Variants in HFM1 observed in about 807,000 individuals in gnomAD.
HFM1 encodes the protein helicase for meiosis 1, also known as probable ATP-dependent DNA helicase HFM1.
Under a neutral mutation model 192.1 loss-of-function variants are expected in HFM1, and 169 were observed. The observed-to-expected ratio is 0.88, with a 90% CI of 0.78 to 1.00. HFM1 has a LOEUF of 1.00. Ranked by LOEUF, HFM1 falls within the 50% of genes least tolerant of loss-of-function variation. The probability of loss-of-function intolerance (pLI) is 0.00; values close to 1 mark genes in which losing one functional copy is unlikely to be tolerated. For synonymous variants in HFM1, 525 were observed against 537.8 expected (o/e 0.98, Z 0.33); for missense variants, 1,661 against 1,668.0 (o/e 1.00, Z 0.07).
chr1:91,313,026 C>T (rs964750447), intron 30 of HFM1, among the ~76,000 whole-genome samples: 5 of 152,118 alleles, frequency 3.3e-5, no homozygotes, highest in Non-Finnish European at 5.9e-5. Context: ...GATTCTGAGG[C>T]CTCCCCAGCC....
intron 30 of HFM1, among the ~76,000 whole-genome samples, chr1:91,298,014 C>A (rs970689804): frequency 2.0e-5 from 3 of 152,058 alleles, no homozygotes; most frequent in Middle Eastern, 3.4e-3. Context: ...AGTTTGAACC[C>A]ATGGCAAAGA....
Position 91,261,292 on chromosome 1 carries a change from A to T in HFM1, c.4306T>A (p.Ter1436LysextTer30). The change falls in exon 39 of 39, where the codon TAA (stop) becomes AAA (lysine). Residue 1436 changes from the stop codon to lysine, a stop_lost. Transcript: ENST00000370425. ...SLLGIFDGIF* is the reference protein window; with the variant it reads ...SLLGIFDGIFK ...AATATAAAAAGTATTTGTTTGTTTTAGAAAATACCATCAAATATTCCCAAT... is the reference window on the plus strand; with the variant it reads ...AATATAAAAAGTATTTGTTTGTTTTTGAAAATACCATCAAATATTCCCAAT... 1 of 1,306,256 alleles carries T rather than the reference A, an allele frequency of 7.7e-7. No individual in the cohort carries two copies. The highest frequency in any genetic ancestry group is 1.0e-6 in the Non-Finnish European group (1 of 980,734). The allele number at this position is 1,306,256 out of a possible 1,614,324, so 80.9% of individuals were successfully genotyped here.
intron 13 of HFM1, among the ~76,000 whole-genome samples, chr1:91,367,852 G>GA (rs1314439957): frequency 5.3e-5 from 8 of 151,830 alleles, no homozygotes; most frequent in Middle Eastern, 6.8e-3. Flanking sequence ...TAAAAACCTT[G>GA]AAAAAAAATT....
At chr1:91,386,323 C>T (rs1345458653) in intron 4 of HFM1, among the ~76,000 whole-genome samples, 1 of 152,186 alleles carries the variant, frequency 6.6e-6, no homozygotes, top group African/African-American at 2.4e-5. Context: ...AGGTCTCCTG[C>T]CAACAACCAG....
At position 91,285,580 on chromosome 1, in the gene HFM1, AT is replaced by A. The variant is rs553632714; in HGVS notation, c.3392-8519del. Among the ~76,000 whole-genome samples the A allele has an allele frequency of 2.5e-3, 373 of 152,164 alleles. 3 individuals are homozygous for A. The highest frequency in any genetic ancestry group is 6.4e-3 in the Admixed American group (97 of 15,274). ...TATGTATGTTAGGTTTAGAGGTATA[AT>A]TGTGTATCTTTATCCAGGGATATAT... On this transcript the variant is annotated intron_variant, in intron 30 of 38. Coordinates refer to ENST00000370425, the MANE Select transcript of HFM1 (RefSeq NM_001017975.6).
intron 30 of HFM1, among the ~76,000 whole-genome samples, chr1:91,294,738 C>A (rs758511221): frequency 6.6e-5 from 10 of 152,144 alleles, no homozygotes; most frequent in Admixed American, 2.0e-4. Context: ...ATTTATTTGT[C>A]CATCTAACTG....
intron 30 of HFM1, among the ~76,000 whole-genome samples, chr1:91,300,058 G>C (rs1416930551): frequency 6.6e-6 from 1 of 151,110 alleles, no homozygotes; most frequent in African/African-American, 2.4e-5. Flanking sequence ...AAGAAGAAAA[G>C]AGAGAAGAAT....
chr1:91,327,730 A>T (rs962086128), intron 20 of HFM1, among the ~76,000 whole-genome samples: 3 of 152,262 alleles, frequency 2.0e-5, no homozygotes, highest in African/African-American at 7.2e-5. Flanking sequence ...ATGTTAGGTC[A>T]CAAAACAGGT....
intron 34 of HFM1, among the ~76,000 whole-genome samples, chr1:91,271,579 A>G (rs190546915): frequency 6.6e-6 from 1 of 152,256 alleles, no homozygotes; most frequent in East Asian, 1.9e-4. Flanking sequence ...GGAGATGGAT[A>G]ATGATCTTCT....
intron 13 of HFM1, among the ~76,000 whole-genome samples, chr1:91,372,864 T>C (rs573163516): frequency 3.9e-5 from 6 of 152,298 alleles, no homozygotes; most frequent in Admixed American, 2.6e-4. Context: ...CTCTCAGACT[T>C]CATCTACTTT....
upstream of HFM1, among the ~76,000 whole-genome samples, chr1:91,405,445 A>G (rs1213505292): frequency 6.6e-6 from 1 of 152,208 alleles, no homozygotes; most frequent in Non-Finnish European, 1.5e-5. Context: ...TAAAATAGCA[A>G]CGAATCAATG....
chr1:91,361,228 A>G (rs1384053361), intron 13 of HFM1, among the ~76,000 whole-genome samples: 1 of 149,700 alleles, frequency 6.7e-6, no homozygotes, highest in Non-Finnish European at 1.5e-5. Flanking sequence ...AGACATGAAA[A>G]AACCCTTCAA....
chr1:91,349,509 A>G (rs1401489882), intron 18 of HFM1, among the ~76,000 whole-genome samples: 1 of 152,160 alleles, frequency 6.6e-6, no homozygotes, highest in Non-Finnish European at 1.5e-5. Context: ...TCTCTCTCAG[A>G]TCATTCATCC....
chr1:91,385,629 C>T lies in HFM1; in HGVS notation c.700G>A (p.Gly234Ser), dbSNP rs1431091259. Residue 234 changes from glycine to serine, a missense_variant, in exon 5 of 39, where the codon GGC (glycine) becomes AGC (serine). Coordinates refer to ENST00000370425, the MANE Select transcript of HFM1 (RefSeq NM_001017975.6). Reference sequence around the variant, plus strand: ...GAAAAAGATGGTGCTTTGAACATGCCTTCTCCGATTTCAGAAGCAGAAAAA... The same window carrying T: ...GAAAAAGATGGTGCTTTGAACATGCTTTCTCCGATTTCAGAAGCAGAAAAA... ...NAFSASEIGEGMFKAPSFSVA... is the reference protein window; with the variant it reads ...NAFSASEIGESMFKAPSFSVA... The T allele has an allele frequency of 6.2e-7, 1 of 1,613,348 alleles. No homozygotes were observed. Among genetic ancestry groups the T allele is most frequent in the African/African-American group, 1.3e-5 (1 of 74,992 alleles).
chr1:91,378,430 C>G lies in HFM1; in HGVS notation c.1209G>C (p.Gln403His). Reference sequence around the variant, plus strand: ...CATCAATGAGAAACAGTCGAACCAGCTGAACCAAAGAGTTGTCTCTCCATT... The same window carrying G: ...CATCAATGAGAAACAGTCGAACCAGGTGAACCAAAGAGTTGTCTCTCCATT... ...TRKWRDNSLV[Q>H]LVRLFLIDEV... The change falls in exon 10 of 39, where the codon CAG becomes CAC. Residue 403 changes from glutamine (Q) to histidine (H), a missense_variant. Gln to His is a conservative substitution (Grantham distance 24). Coordinates refer to ENST00000370425, the MANE Select transcript of HFM1 (RefSeq NM_001017975.6). 1 of 1,605,972 alleles carries G rather than the reference C, an allele frequency of 6.2e-7. No homozygotes were observed. Among genetic ancestry groups the G allele is most frequent in the South Asian group, 1.1e-5 (1 of 89,998 alleles).
intron 20 of HFM1, chr1:91,329,153 C>G (rs938131695): frequency 6.2e-7 from 1 of 1,609,454 alleles, no homozygotes; most frequent in South Asian, 1.1e-5. Context: ...TCGAGGAGAT[C>G]GTGCAGCGAC....
chr1:91,314,858 G>A (rs1650973073), intron 28 of HFM1, among the ~76,000 whole-genome samples: 1 of 152,116 alleles, frequency 6.6e-6, no homozygotes, highest in Non-Finnish European at 1.5e-5. Flanking sequence ...TCTATAAGTG[G>A]GTCATGGTTA....
Position 91,261,224 on chromosome 1 carries a change from A to G in HFM1, c.*66T>C, listed in dbSNP as rs1329955359. On this transcript the variant is annotated 3_prime_UTR_variant, in exon 39 of 39. Transcript: ENST00000370425. ...ATTATGAACTACTTTTTAAAAATAA[A>G]AAGCATGCTTTGTGATTAGGTGTCT... is the stretch of plus-strand genomic sequence containing the variant. The G allele has an allele frequency of 3.0e-6, 2 of 671,912 alleles. No homozygotes were observed. The highest frequency in any genetic ancestry group is 4.5e-6 in the Non-Finnish European group (2 of 447,284). The allele number at this position is 671,912 out of a possible 1,614,324, so 41.6% of individuals were successfully genotyped here.
At chr1:91,328,039 C>G (rs1653180820) in intron 20 of HFM1, among the ~76,000 whole-genome samples, 1 of 151,960 alleles carries the variant, frequency 6.6e-6, no homozygotes, top group South Asian at 2.1e-4. Context: ...AATAAAAAAC[C>G]TAATGATGCA....
Sources: gnomAD v4.1 joint callset for allele counts (sites outside exome capture counted in the v4.1 genomes callset) on GRCh38, gnomAD v4.1.1 for gene constraint, MANE v1.5 for transcripts, NCBI Gene and HGNC (gene_info 2026-07-23, HGNC 2026-07-21) for gene names.